PIK3CB: variants seen among roughly 807,000 people sequenced by gnomAD.
The protein encoded by PIK3CB is phosphatidylinositol 4,5-bisphosphate 3-kinase catalytic subunit beta isoform.
A neutral mutation model predicts 136.8 loss-of-function variants in PIK3CB; 39 were observed. The observed-to-expected ratio is 0.29, with a 90% CI of 0.22 to 0.37. The LOEUF (loss-of-function observed/expected upper bound fraction) is 0.37. Ranked by LOEUF, PIK3CB falls within the 10% of genes least tolerant of loss-of-function variation. The pLI, the probability that PIK3CB is intolerant of heterozygous loss-of-function variation, is 1.00. For missense variants in PIK3CB, 868 were observed against 1,275.4 expected (o/e 0.68, Z 4.87); for synonymous variants, 428 against 436.6 (o/e 0.98, Z 0.25).
At chr3:138,767,596 C>G (rs549444899) in intron 2 of PIK3CB, among the ~76,000 whole-genome samples, 3 of 152,202 alleles carry the variant, frequency 2.0e-5, no homozygotes, top group Non-Finnish European at 4.4e-5. Context: ...GGGACTGGAT[C>G]CCATGACTGC....
intron 2 of PIK3CB, among the ~76,000 whole-genome samples, chr3:138,769,213 G>A (rs866734107): frequency 1.1e-4 from 16 of 152,150 alleles, no homozygotes; most frequent in African/African-American, 3.4e-4. Context: ...TGTTCTAGAC[G>A]GTCCACCGCT....
Position 138,699,932 on chromosome 3 carries a change from T to G in PIK3CB, c.1582-837A>C, listed in dbSNP as rs186753778. On this transcript the variant is annotated intron_variant, in intron 12 of 23. Transcript: ENST00000674063. ...TAGATCTTACACAGGCCAGGTATGGTGGCTCACGCCTGTAATCCCAGCACT... is the reference window on the plus strand; with the variant it reads ...TAGATCTTACACAGGCCAGGTATGGGGGCTCACGCCTGTAATCCCAGCACT... 1.1e-3 allele frequency among the ~76,000 whole-genome samples: 170 copies of G among 152,234 alleles called. 1 individual carries two copies. The highest frequency in any genetic ancestry group is 4.0e-3 in the African/African-American group (167 of 41,544).
intron 1 of PIK3CB, among the ~76,000 whole-genome samples, 195 bp downstream of exon 1, chr3:138,834,500 C>G (rs898763204): frequency 6.6e-6 from 1 of 152,174 alleles, no homozygotes; most frequent in Admixed American, 6.5e-5. Flanking sequence ...GCAACCAAGC[C>G]AGACGCCCCC....
chr3:138,714,746 A>G, intron 8 of PIK3CB, 27 bp from the exon 9 acceptor site: 1 of 1,561,358 alleles, frequency 6.4e-7, no homozygotes, highest in South Asian at 1.2e-5. Flanking sequence ...AAAAACAAAA[A>G]CAAAGTCATG....
chr3:138,782,159 T>C (rs1047321528), intron 2 of PIK3CB, among the ~76,000 whole-genome samples: 1 of 152,228 alleles, frequency 6.6e-6, no homozygotes, highest in Non-Finnish European at 1.5e-5. Flanking sequence ...TACCAATACA[T>C]TTGCCTACAA....
intron 19 of PIK3CB, among the ~76,000 whole-genome samples, chr3:138,666,555 C>T (rs1161351277): frequency 6.6e-6 from 1 of 152,138 alleles, no homozygotes; most frequent in Non-Finnish European, 1.5e-5. Context: ...ACATTTTCTT[C>T]AGTAACTTAT....
intron 2 of PIK3CB, among the ~76,000 whole-genome samples, chr3:138,794,594 A>G (rs2046088318): frequency 6.6e-6 from 1 of 152,188 alleles, no homozygotes; most frequent in Non-Finnish European, 1.5e-5. Context: ...AAGGCACTGG[A>G]GGCCATTATA....
At chr3:138,800,539 A>G (rs1300038131) in intron 1 of PIK3CB, among the ~76,000 whole-genome samples, 1 of 147,372 alleles carries the variant, frequency 6.8e-6, no homozygotes, top group East Asian at 1.9e-4. Flanking sequence ...CTGGTCTCAA[A>G]CTCCAGGGCT....
intron 8 of PIK3CB, among the ~76,000 whole-genome samples, chr3:138,727,525 G>A (rs1433541894): frequency 2.0e-5 from 3 of 152,198 alleles, no homozygotes; most frequent in Non-Finnish European, 2.9e-5. Flanking sequence ...CAGGGAATTG[G>A]AGACTTCAGG....
intron 6 of PIK3CB, among the ~76,000 whole-genome samples, chr3:138,736,473 T>C (rs975233931): frequency 1.3e-5 from 2 of 152,186 alleles, no homozygotes; most frequent in Non-Finnish European, 2.9e-5. Flanking sequence ...AACAAGACTT[T>C]CCTAAAATTC....
In PIK3CB at chr3:138,717,900, G is replaced by T. The variant is rs116279256; in HGVS notation, c.1051-3181C>A. Among the ~76,000 whole-genome samples, 580 of 152,288 alleles carry T rather than the reference G, an allele frequency of 3.8e-3. 5 individuals are homozygous for T. The highest frequency in any genetic ancestry group is 0.013 in the African/African-American group (557 of 41,568). ...TTATGGCTGCACAGTACTCCATGGT[G>T]ATCATGTACCACATTTTCTTTATCC... On this transcript the variant is annotated intron_variant, in intron 8 of 23. Transcript: ENST00000674063.
rs550668354 is a variant in PIK3CB, at chr3:138,683,866, T to C, written c.2316-79A>G. On this transcript the variant is annotated intron_variant, in intron 17 of 23. Transcript: ENST00000674063. ...ATAATTTTACCACTATATACTAGGC[T>C]TGGGAAAACTCCTCACCTATTCCTG... 8 of 780,758 alleles carry C rather than the reference T, an allele frequency of 1.0e-5. No individual in the cohort carries two copies. In the African/African-American group the frequency reaches 1.4e-4, roughly 13 times the overall value. 48.4% of individuals were successfully genotyped at this position (780,758 alleles called of 1,614,324 possible).
intron 2 of PIK3CB, among the ~76,000 whole-genome samples, chr3:138,792,905 G>A (rs1425713243): frequency 6.6e-6 from 1 of 152,122 alleles, no homozygotes; most frequent in African/African-American, 2.4e-5. Context: ...AGCTTCCTCA[G>A]TAGCCAATAT....
chr3:138,814,945 G>A (rs913678630), intron 1 of PIK3CB, among the ~76,000 whole-genome samples: 1 of 151,824 alleles, frequency 6.6e-6, no homozygotes, highest in Non-Finnish European at 1.5e-5. Context: ...AGACCATCCT[G>A]GCTAACACGG....
chr3:138,817,016 C>T (rs1391148551), intron 1 of PIK3CB, among the ~76,000 whole-genome samples: 1 of 150,386 alleles, frequency 6.6e-6, no homozygotes, highest in East Asian at 2.0e-4. Context: ...GCCTGACCAA[C>T]ATGGAGAAAC....
chr3:138,815,162 A>AATATATATAT (rs1553743710), intron 1 of PIK3CB, among the ~76,000 whole-genome samples: 5 of 62,474 alleles, frequency 8.0e-5, no homozygotes, highest in Non-Finnish European at 1.2e-4. Flanking sequence ...AAAAAAAAAA[A>AATATATATAT]ATATATATAT....
chr3:138,688,928 G>C lies in PIK3CB; in HGVS notation c.2083C>G (p.Leu695Val). 1 of 1,613,852 alleles carries C rather than the reference G, an allele frequency of 6.2e-7. No homozygotes were observed. The highest frequency in any genetic ancestry group is 8.5e-7 in the Non-Finnish European group (1 of 1,179,758). ...ACACTTCCCCGGCAGTATGCTTCAA[G>C]GATGACACCAAATTGTACTGAGACA... ...PAVSVQFGVILEAYCRGSVGH... is the reference protein window; with the variant it reads ...PAVSVQFGVIVEAYCRGSVGH... The change falls in exon 16 of 24, where the codon CTT becomes GTT. Residue 695 changes from leucine (L) to valine (V), a missense_variant. By Grantham distance (32) the Leu-to-Val change is conservative (BLOSUM62 1). This residue lies in a region of PIK3CB where 165 missense variants were observed against 295.4 expected (regional missense o/e 0.56). Coordinates refer to ENST00000674063, the MANE Select transcript of PIK3CB (RefSeq NM_006219.3).
chr3:138,813,563 G>A (rs1160186213), intron 1 of PIK3CB, among the ~76,000 whole-genome samples: 36 of 151,348 alleles, frequency 2.4e-4, no homozygotes, highest in African/African-American at 1.7e-4. Flanking sequence ...GACTACAGGC[G>A]CCCACCACCA....
chr3:138,748,811 A>G (rs533198658), intron 4 of PIK3CB, among the ~76,000 whole-genome samples: 1 of 152,284 alleles, frequency 6.6e-6, no homozygotes, highest in East Asian at 1.9e-4. Flanking sequence ...TGCTAGTGGT[A>G]TTTTGTAGTA....
Sources: gnomAD v4.1 joint callset for allele counts (sites outside exome capture counted in the v4.1 genomes callset) on GRCh38, gnomAD v4.1.1 for gene constraint, gnomAD v4.1.1 regional missense constraint, MANE v1.5 for transcripts, NCBI Gene and HGNC (gene_info 2026-07-23, HGNC 2026-07-21) for gene names.